Variants in NR2F1-AS1 observed in about 807,000 individuals in gnomAD.
The protein encoded by NR2F1-AS1 is NR2F1 regulatory antisense RNA 1, also known as NR2F1 antisense RNA 1.
In NR2F1-AS1 at chr5:93,492,846, TAA is replaced by T. The variant is rs568884397; in HGVS notation, n.638+60913_638+60914del. ...GACAAAATTCTATATCATTTCATGA[TAA>T]AAAAAAAAAACACTCACAAACTAGG... is the stretch of plus-strand genomic sequence containing the variant. On this transcript the variant is annotated intron_variant and non_coding_transcript_variant, in intron 4 of 5. Transcript: ENST00000660523. 1.2e-3 allele frequency among the ~76,000 whole-genome samples: 173 copies of T among 139,564 alleles called. 1 individual carries two copies. The highest frequency in any genetic ancestry group is 3.8e-3 in the African/African-American group (146 of 38,288). 91.6% of individuals were successfully genotyped at this position (139,564 alleles called of 152,430 possible).
intron 4 of NR2F1-AS1, among the ~76,000 whole-genome samples, chr5:93,551,543 T>A (rs1001505962): frequency 5.3e-5 from 8 of 152,060 alleles, no homozygotes; most frequent in African/African-American, 1.7e-4. Flanking sequence ...TCTGACAATA[T>A]TGGCCATTAT....
At chr5:93,521,679 G>C (rs2149895653) in intron 4 of NR2F1-AS1, among the ~76,000 whole-genome samples, 1 of 152,256 alleles carries the variant, frequency 6.6e-6, no homozygotes, top group South Asian at 2.1e-4. Context: ...TCTCACACCA[G>C]TCAGCATGGC....
chr5:93,410,997 AG>A (rs1455748499), intron 4 of NR2F1-AS1: 1 of 152,196 alleles, frequency 6.6e-6, no homozygotes, highest in African/African-American at 2.4e-5. Context: ...TTTTTATTAA[AG>A]AGACTTAAAA....
chr5:93,528,806 C>T (rs1228810050), intron 4 of NR2F1-AS1, among the ~76,000 whole-genome samples: 1 of 151,752 alleles, frequency 6.6e-6, no homozygotes, highest in Non-Finnish European at 1.5e-5. Context: ...GAACAGAAAA[C>T]CAAACACTGA....
chr5:93,525,475 T>C (rs186901977), intron 4 of NR2F1-AS1, among the ~76,000 whole-genome samples: 47 of 152,222 alleles, frequency 3.1e-4, no homozygotes, highest in Non-Finnish European at 5.9e-4. Flanking sequence ...TAACAAGATA[T>C]TCAGGACTTG....
chr5:93,568,367 T>C (rs1000377259), intron 1 of NR2F1-AS1, among the ~76,000 whole-genome samples: 32 of 152,222 alleles, frequency 2.1e-4, no homozygotes, highest in Admixed American at 2.0e-3. Context: ...TTTGTGCTTC[T>C]GTAGAAAGTT....
chr5:93,454,780 C>G (rs1295254890), intron 4 of NR2F1-AS1, among the ~76,000 whole-genome samples: 1 of 152,130 alleles, frequency 6.6e-6, no homozygotes, highest in Non-Finnish European at 1.5e-5. Flanking sequence ...ATGAAACCTC[C>G]ATAACAATCC....
chr5:93,519,115 T>C (rs1294915163), intron 4 of NR2F1-AS1, among the ~76,000 whole-genome samples: 2 of 152,096 alleles, frequency 1.3e-5, no homozygotes, highest in Non-Finnish European at 2.9e-5. Context: ...CTTTCTCTCA[T>C]ACCAGTTATC....
chr5:93,514,619 T>G (rs1366958984), intron 4 of NR2F1-AS1, among the ~76,000 whole-genome samples: 9 of 152,114 alleles, frequency 5.9e-5, no homozygotes, highest in Non-Finnish European at 1.3e-4. Context: ...TTAACATATC[T>G]CTTTTATTTC....
At chr5:93,493,889 G>A (rs1347037979) in intron 4 of NR2F1-AS1, among the ~76,000 whole-genome samples, 1 of 151,882 alleles carries the variant, frequency 6.6e-6, no homozygotes, top group Non-Finnish European at 1.5e-5. Context: ...TACAATTATA[G>A]GACTATTAAA....
At chr5:93,432,602 C>G (rs1055254149) in intron 4 of NR2F1-AS1, 5 of 152,192 alleles carry the variant, frequency 3.3e-5, no homozygotes, top group African/African-American at 1.2e-4. Context: ...TACCATATCT[C>G]AGAGAGTAAA....
chr5:93,533,998 C>T (rs149121913), intron 4 of NR2F1-AS1, among the ~76,000 whole-genome samples: 2,565 of 152,092 alleles, frequency 0.017, 79 homozygotes, highest in African/African-American at 0.059. Context: ...CACGAGAATC[C>T]CTTGAACCCA....
At chr5:93,486,313 G>T (rs944985061) in intron 4 of NR2F1-AS1, among the ~76,000 whole-genome samples, 1 of 150,762 alleles carries the variant, frequency 6.6e-6, no homozygotes, top group South Asian at 2.1e-4. Flanking sequence ...TCCAGGAGCT[G>T]TTTTTTTTTA....
intron 4 of NR2F1-AS1, among the ~76,000 whole-genome samples, chr5:93,435,305 T>C (rs1749410589): frequency 6.6e-6 from 1 of 152,214 alleles, no homozygotes; most frequent in South Asian, 2.1e-4. Context: ...GAAACTCAAA[T>C]TGTCTGAGTT....
At position 93,547,960 on chromosome 5, in the gene NR2F1-AS1, G is replaced by A. The variant is rs145882603; in HGVS notation, n.638+5801C>T. 1.1e-3 allele frequency among the ~76,000 whole-genome samples: 168 copies of A among 152,148 alleles called. 1 individual carries two copies. The highest frequency in any genetic ancestry group is 3.8e-3 in the African/African-American group (159 of 41,530). On this transcript the variant is annotated intron_variant and non_coding_transcript_variant, in intron 4 of 5. Coordinates refer to ENST00000660523, the Ensembl canonical transcript of NR2F1-AS1. ...TGTTATTGTCTTGCACATGTCAATC[G>A]GAAAAAGGGAGAGAGAATCAGTGTC... is the stretch of plus-strand genomic sequence containing the variant.
intron 4 of NR2F1-AS1, among the ~76,000 whole-genome samples, chr5:93,464,513 T>A (rs1750182468): frequency 6.6e-6 from 1 of 152,176 alleles, no homozygotes. Context: ...GATTAAGAGT[T>A]TTTTAAGTAT....
At chr5:93,517,587 A>C (rs925264516) in intron 4 of NR2F1-AS1, among the ~76,000 whole-genome samples, 22 of 152,188 alleles carry the variant, frequency 1.4e-4, no homozygotes, top group African/African-American at 5.3e-4. Context: ...AAATATAACT[A>C]TGTAATTGCA....
intron 4 of NR2F1-AS1, among the ~76,000 whole-genome samples, chr5:93,451,596 T>G (rs1038971784): frequency 2.6e-5 from 4 of 151,446 alleles, no homozygotes; most frequent in African/African-American, 9.7e-5. Context: ...AGAGGGGGGG[T>G]TCTGCCATGT....
chr5:93,519,524 A>G (rs78409590), intron 4 of NR2F1-AS1, among the ~76,000 whole-genome samples: 3 of 151,994 alleles, frequency 2.0e-5, no homozygotes, highest in Admixed American at 6.6e-5. Flanking sequence ...TCTACACTGT[A>G]TGTTTTGGTA....
Sources: allele counts gnomAD v4.1 joint callset (sites outside exome capture counted in the v4.1 genomes callset), GRCh38; gene constraint gnomAD v4.1.1; transcripts MANE v1.5; gene names NCBI Gene and HGNC (gene_info 2026-07-23, HGNC 2026-07-21).